The following CDH2 variants were observed in gnomAD, a reference collection of about 807,000 sequenced individuals.
CDH2 encodes the protein cadherin-2.
A neutral mutation model predicts 92.0 loss-of-function variants in CDH2; 17 were observed. The ratio of observed to expected loss-of-function variants is 0.18; its 90% confidence interval spans 0.13 to 0.28. The LOEUF is 0.28. Ranked by LOEUF, CDH2 falls within the 10% of genes least tolerant of loss-of-function variation. The pLI is 1.00. For missense variants in CDH2, 862 were observed against 1,133.1 expected (o/e 0.76, Z 3.44); for synonymous variants, 419 against 415.9 (o/e 1.01, Z -0.09).
intron 2 of CDH2, among the ~76,000 whole-genome samples, chr18:28,035,361 C>G (rs2013799869): frequency 6.6e-6 from 1 of 151,928 alleles, no homozygotes; most frequent in South Asian, 2.1e-4. Context: ...TTTTCAGGGA[C>G]TACAGTTTAG....
intron 2 of CDH2, among the ~76,000 whole-genome samples, chr18:28,132,512 C>T (rs2015789486): frequency 6.6e-6 from 1 of 151,998 alleles, no homozygotes; most frequent in African/African-American, 2.4e-5. Context: ...CGGAAGGGGG[C>T]AAAAGACAGA....
chr18:28,007,631 C>T (rs1334034352), intron 5 of CDH2, among the ~76,000 whole-genome samples: 1 of 152,072 alleles, frequency 6.6e-6, no homozygotes, highest in Non-Finnish European at 1.5e-5. Context: ...ATTCTTAATA[C>T]TAAAACAATT....
intron 9 of CDH2, among the ~76,000 whole-genome samples, chr18:27,992,315 G>A (rs2012441504): frequency 6.6e-6 from 1 of 152,092 alleles, no homozygotes; most frequent in Non-Finnish European, 1.5e-5. Context: ...GTTCAGGCCA[G>A]TCCTATCCTC....
chr18:27,971,304 A>G (rs1199485933), intron 14 of CDH2, among the ~76,000 whole-genome samples: 1 of 145,624 alleles, frequency 6.9e-6, no homozygotes, highest in Non-Finnish European at 1.5e-5. Context: ...TTTGCATGTC[A>G]GTTCTTTTTT....
Position 27,985,218 on chromosome 18 carries a change from A to C in CDH2, c.1991T>G (p.Leu664Arg). The change falls in exon 13 of 16, where the codon CTT becomes CGT. Residue 664 changes from leucine (L) to arginine (R), a missense_variant. By Grantham distance (102) the Leu-to-Arg change is moderately radical (BLOSUM62 -2). Coordinates refer to ENST00000269141, the MANE Select transcript of CDH2 (RefSeq NM_001792.5). The stretch of plus-strand genomic sequence containing the variant: ...TTCAAGAAATTTTATCTTTAAATTA[A>C]GCTGAGCAAAATCACCTATATGAAA... The part of the protein sequence containing the change: ...ITRLNGDFAQ[L>R]NLKIKFLEAG... 1 of 1,604,234 alleles carries C rather than the reference A, an allele frequency of 6.2e-7. No homozygotes were observed.
chr18:28,080,065 A>T (rs2014799933), intron 2 of CDH2, among the ~76,000 whole-genome samples: 1 of 152,182 alleles, frequency 6.6e-6, no homozygotes, highest in Admixed American at 6.5e-5. Context: ...CCTCAGGAAG[A>T]AGACACAGTG....
In CDH2 at chr18:28,013,622, T is replaced by G. The variant is rs1031021181; in HGVS notation, c.399+61A>C. The G allele has an allele frequency of 3.2e-4, 368 of 1,160,668 alleles. 2 individuals are homozygous for G. The highest frequency in any genetic ancestry group is 4.0e-4 in the Non-Finnish European group (305 of 769,164). 71.9% of individuals were successfully genotyped at this position (1,160,668 alleles called of 1,614,324 possible). On this transcript the variant is annotated intron_variant, in intron 3 of 15. Coordinates refer to ENST00000269141, the MANE Select transcript of CDH2 (RefSeq NM_001792.5). ...TGTGGTCTGAAGCAAAGCATATATT[T>G]AGTTCAAACTGTATAAAGCTGATTT...
intron 2 of CDH2, among the ~76,000 whole-genome samples, chr18:28,125,741 A>G (rs569410281): frequency 6.6e-6 from 1 of 152,266 alleles, no homozygotes; most frequent in Admixed American, 6.5e-5. Context: ...ACAGGCACGT[A>G]AGACAGTCAG....
intron 15 of CDH2, among the ~76,000 whole-genome samples, chr18:27,962,281 A>G (rs2011425784): frequency 6.6e-6 from 1 of 152,300 alleles, no homozygotes; most frequent in African/African-American, 2.4e-5. Flanking sequence ...TAACCTTATT[A>G]CCTATTTAGC....
rs113960403 is a variant in CDH2 at position 28,144,165 on chromosome 18, T to TA, written c.172+3507dup. On this transcript the variant is annotated intron_variant, in intron 2 of 15. Coordinates refer to ENST00000269141, the MANE Select transcript of CDH2 (RefSeq NM_001792.5). ...TGTGTCCCAGAACTTAAAGTAAAAT[T>TA]AAAAAAAAAAAGAGCTATATAATCA... 7.4e-3 allele frequency among the ~76,000 whole-genome samples: 1,050 copies of TA among 142,778 alleles called. 22 individuals are homozygous for TA. The highest frequency in any genetic ancestry group is 0.046 in the Admixed American group (656 of 14,320). 93.7% of individuals were successfully genotyped at this position (142,778 alleles called of 152,430 possible). A position where few individuals can be genotyped will look rare whatever the true frequency, so the allele number is the denominator to read the frequency against.
chr18:28,169,431 T>G (rs2144367269), intron 1 of CDH2, among the ~76,000 whole-genome samples: 1 of 152,328 alleles, frequency 6.6e-6, no homozygotes, highest in South Asian at 2.1e-4. Context: ...TTTACATTTT[T>G]AGTGCCAGTG....
At chr18:28,115,840 A>G (rs2015488185) in intron 2 of CDH2, among the ~76,000 whole-genome samples, 1 of 152,198 alleles carries the variant, frequency 6.6e-6, no homozygotes, top group Non-Finnish European at 1.5e-5. Context: ...GCTATCAAGA[A>G]AACAAGCAAA....
chr18:28,111,495 C>T (rs17468987), intron 2 of CDH2, among the ~76,000 whole-genome samples: 34,364 of 152,090 alleles, frequency 0.23, 4,414 homozygotes, highest in Non-Finnish European at 0.3. Flanking sequence ...GGGAGCAAAA[C>T]GATAATCTTA....
intron 7 of CDH2, among the ~76,000 whole-genome samples, chr18:27,998,076 G>A (rs1467451061): frequency 6.6e-6 from 1 of 152,128 alleles, no homozygotes; most frequent in Non-Finnish European, 1.5e-5. Flanking sequence ...AAAGTGCTGG[G>A]ATTACAGGTG....
At chr18:28,080,758 G>A (rs539540043) in intron 2 of CDH2, among the ~76,000 whole-genome samples, 1 of 152,298 alleles carries the variant, frequency 6.6e-6, no homozygotes, top group South Asian at 2.1e-4. Context: ...GAGCACCGTG[G>A]ATCCTCAGTA....
chr18:27,980,375 G>A (rs542729671), intron 14 of CDH2, among the ~76,000 whole-genome samples: 16 of 152,268 alleles, frequency 1.1e-4, no homozygotes, highest in East Asian at 9.7e-4. Context: ...ACAAGACACC[G>A]TTTAGGAATC....
chr18:28,032,231 CCAA>C (rs1356597973), intron 2 of CDH2, among the ~76,000 whole-genome samples: 3 of 152,028 alleles, frequency 2.0e-5, no homozygotes, highest in Non-Finnish European at 4.4e-5. Context: ...ATATACAAAA[CCAA>C]CAACAACAGT....
chr18:27,956,255 G>T (rs2011244819), intron 15 of CDH2, among the ~76,000 whole-genome samples: 1 of 152,148 alleles, frequency 6.6e-6, no homozygotes. Context: ...ATTTAGCAAA[G>T]TATCCTCTTG....
intron 6 of CDH2, among the ~76,000 whole-genome samples, chr18:27,933,989 A>C (rs1342858480): frequency 6.6e-6 from 1 of 152,236 alleles, no homozygotes; most frequent in Non-Finnish European, 1.5e-5. Flanking sequence ...AAATTAAAGA[A>C]AGAAAATATG....
Sources: gnomAD v4.1 joint callset for allele counts (sites outside exome capture counted in the v4.1 genomes callset) on GRCh38, gnomAD v4.1.1 for gene constraint, MANE v1.5 for transcripts, NCBI Gene and HGNC (gene_info 2026-07-23, HGNC 2026-07-21) for gene names.